MYO1H: variants seen among roughly 807,000 people sequenced by gnomAD.
MYO1H encodes unconventional myosin-Ih.
A neutral mutation model predicts 149.3 loss-of-function variants in MYO1H; 118 were observed. The ratio of observed to expected loss-of-function variants is 0.79; its 90% CI spans 0.68 to 0.92. The LOEUF is 0.92. MYO1H is among the 40% of genes least tolerant of loss of function. MYO1H has a pLI of 0.00. For synonymous variants in MYO1H, 447 were observed against 465.2 expected (o/e 0.96, Z 0.50); for missense variants, 1,212 against 1,280.7 (o/e 0.95, Z 0.82).
At chr12:109,440,854 G>A (rs766324260) in intron 25 of MYO1H, 27 bp downstream of exon 25, 11 of 1,488,454 alleles carry the variant, frequency 7.4e-6, no homozygotes, top group African/African-American at 5.6e-5. Context: ...TGCGGTGGCC[G>A]GTGGTGGGGG....
the MYO1H span, among the ~76,000 whole-genome samples, chr12:109,329,314 G>T: frequency 1.1e-3 from 162 of 152,238 alleles, no homozygotes; most frequent in South Asian, 3.5e-3. Context: ...GAGGAGAGTT[G>T]AGTAGTTGTA....
At chr12:109,444,740 A>G (rs996981090) in intron 30 of MYO1H, among the ~76,000 whole-genome samples, 2 of 151,976 alleles carry the variant, frequency 1.3e-5, no homozygotes, top group African/African-American at 4.8e-5. Context: ...GGTGGTGCAC[A>G]CTTGTAATCC....
rs1300190594 is a variant in MYO1H, at chr12:109,426,158, T to G, written c.1831+107T>G. ...AACACCACCACAAGCTTGCTCGATG[T>G]CCTCTGGATGTGAATCATTTTCCTT... is the stretch of plus-strand genomic sequence containing the variant. On this transcript the variant is annotated intron_variant, in intron 18 of 31. Transcript: ENST00000310903. The G allele has an allele frequency of 7.9e-6, 6 of 757,642 alleles. No homozygotes were observed. In the African/African-American group the frequency reaches 1.0e-4, roughly 13 times the overall value. 46.9% of individuals were successfully genotyped at this position (757,642 alleles called of 1,614,324 possible).
At position 109,443,140 on chromosome 12, in the gene MYO1H, A is replaced by ATATGTGTG. The variant is rs1872272985; in HGVS notation, c.2689-367_2689-366insGTATGTGT. 7.4e-5 allele frequency among the ~76,000 whole-genome samples: 10 copies of ATATGTGTG among 135,914 alleles called. 3 individuals carry two copies. In the South Asian group the frequency reaches 2.2e-3, roughly 30 times the overall value. The allele number at this position is 135,914 out of a possible 152,430, so 89.2% of individuals were successfully genotyped here. A position where few individuals can be genotyped will look rare whatever the true frequency, so the allele number is the denominator to read the frequency against. ...TATATGTGTACGTATATATGTGTGT[A>ATATGTGTG]TATGTGTACGTATGTGTGTGTATAT... On this transcript the variant is annotated intron_variant, in intron 27 of 31. Coordinates refer to ENST00000310903, the Ensembl canonical transcript of MYO1H.
At chr12:109,413,963 A>G (rs1870788595) in intron 14 of MYO1H, among the ~76,000 whole-genome samples, 1 of 152,116 alleles carries the variant, frequency 6.6e-6, no homozygotes, top group South Asian at 2.1e-4. Context: ...TGCAATGCAT[A>G]CAACTGGGTA....
In MYO1H at chr12:109,443,092, A is replaced by ATATATGTGTACGTATATGTGTG. The variant is rs1566044855; in HGVS notation, c.2689-404_2689-383dup. Among the ~76,000 whole-genome samples, 37 of 78,012 alleles carry ATATATGTGTACGTATATGTGTG rather than the reference A, an allele frequency of 4.7e-4. 5 individuals carry two copies. The highest frequency in any genetic ancestry group is 2.2e-3 in the South Asian group (6 of 2,700). 51.2% of individuals were successfully genotyped at this position (78,012 alleles called of 152,430 possible). A position where few individuals can be genotyped will look rare whatever the true frequency, so the allele number is the denominator to read the frequency against. ...TGTATATATGTGTACGTATGTGTGT[A>ATATATGTGTACGTATATGTGTG]TATATGTGTACGTATATGTGTGTAT... is the stretch of plus-strand genomic sequence containing the variant. On this transcript the variant is annotated intron_variant, in intron 27 of 31. Transcript: ENST00000310903.
At chr12:109,390,638 T>C (rs1347856759) in intron 2 of MYO1H, among the ~76,000 whole-genome samples, 4 of 151,688 alleles carry the variant, frequency 2.6e-5, no homozygotes, top group Admixed American at 2.6e-4. Flanking sequence ...GGTTTGTAGG[T>C]ATACCCATCC....
At chr12:109,333,140 T>G in the MYO1H span, among the ~76,000 whole-genome samples, 1 of 152,094 alleles carries the variant, frequency 6.6e-6, no homozygotes, top group African/African-American at 2.4e-5. Context: ...GCCAACATGG[T>G]GAAACCCCGT....
At chr12:109,328,051 C>T in the MYO1H span, among the ~76,000 whole-genome samples, 1 of 151,138 alleles carries the variant, frequency 6.6e-6, no homozygotes, top group Non-Finnish European at 1.5e-5. Context: ...AAAGTCCCAT[C>T]GTAGCTGCTT....
At chr12:109,440,547 A>C (rs938929095) in intron 24 of MYO1H, 197 bp from the exon 25 acceptor site, 2 of 555,434 alleles carry the variant, frequency 3.6e-6, no homozygotes, top group Non-Finnish European at 6.5e-6. Flanking sequence ...TTCAAGTTTG[A>C]GAATCATTCG....
At chr12:109,425,916 TTC>T (rs67083809) in intron 17 of MYO1H, 28 bp from the exon 18 acceptor site, 461,038 of 1,500,286 alleles carry the variant, frequency 0.31, 66,928 homozygotes, top group Admixed American at 0.37. Context: ...CTCTGGCTCG[TTC>T]TCTCTCTCTT....
intron 1 of MYO1H, among the ~76,000 whole-genome samples, chr12:109,358,119 G>T: frequency 6.6e-6 from 1 of 151,222 alleles, no homozygotes; most frequent in East Asian, 1.9e-4. Context: ...CTGATATCTA[G>T]TATGTTCTTA....
rs759326638 is a variant in MYO1H, at chr12:109,438,519, G to A, written c.2210-17G>A. 1.2e-6 allele frequency: 2 copies of A among 1,602,544 alleles called. No homozygotes were observed. The highest frequency in any genetic ancestry group is 1.7e-6 in the Non-Finnish European group (2 of 1,171,276). On this transcript the variant is annotated splice_polypyrimidine_tract_variant and intron_variant, in intron 22 of 31. Coordinates refer to ENST00000310903, the Ensembl canonical transcript of MYO1H. ...CGATTGTGCTCACCTTCTAATGCCAGCAGTGAACTCTTTCAGCCATCAAAC... is the reference window on the plus strand; with the variant it reads ...CGATTGTGCTCACCTTCTAATGCCAACAGTGAACTCTTTCAGCCATCAAAC...
At chr12:109,386,536 T>G (rs1036971971) in intron 1 of MYO1H, among the ~76,000 whole-genome samples, 1 of 152,240 alleles carries the variant, frequency 6.6e-6, no homozygotes, top group African/African-American at 2.4e-5. Context: ...TGTTTTTAAT[T>G]TTAACTATTG....
At chr12:109,400,173 C>T (rs1870101573) in intron 5 of MYO1H, among the ~76,000 whole-genome samples, 1 of 152,182 alleles carries the variant, frequency 6.6e-6, no homozygotes, top group African/African-American at 2.4e-5. Flanking sequence ...ATCTGTTCTA[C>T]TTTTGATGGA....
At chr12:109,402,778 G>A (rs974104598) in intron 6 of MYO1H, among the ~76,000 whole-genome samples, 4 of 152,026 alleles carry the variant, frequency 2.6e-5, no homozygotes, top group Non-Finnish European at 4.4e-5. Flanking sequence ...CTGTATGGTC[G>A]CATCATGATT....
intron 19 of MYO1H, among the ~76,000 whole-genome samples, chr12:109,432,519 A>G (rs1871674687): frequency 6.6e-6 from 1 of 152,166 alleles, no homozygotes; most frequent in Non-Finnish European, 1.5e-5. Context: ...CCTTTTGGCT[A>G]TTATGAATCA....
upstream of MYO1H, among the ~76,000 whole-genome samples, chr12:109,344,419 G>A (rs2048096064): frequency 6.6e-6 from 1 of 152,286 alleles, no homozygotes; most frequent in South Asian, 2.1e-4. Context: ...TAGGAATAAA[G>A]TTAGCAAAAG....
At chr12:109,427,379 C>T (rs1871393655) in intron 18 of MYO1H, 90 bp from the exon 19 acceptor site, 1 of 817,324 alleles carries the variant, frequency 1.2e-6, no homozygotes, top group Non-Finnish European at 2.1e-6. Context: ...ACCCAGCCCA[C>T]TGAACTTCAG....
Sources: allele counts gnomAD v4.1 joint callset (sites outside exome capture counted in the v4.1 genomes callset), GRCh38; gene constraint gnomAD v4.1.1; transcripts MANE v1.5; gene names NCBI Gene and HGNC (gene_info 2026-07-23, HGNC 2026-07-21).